Variants in SEMA3A observed in about 807,000 individuals in gnomAD.
SEMA3A encodes the protein semaphorin-3A.
Under a neutral mutation model 97.9 loss-of-function variants are expected in SEMA3A, and 29 were observed. The observed-to-expected ratio is 0.30, with a 90% confidence interval of 0.22 to 0.40. The LOEUF (loss-of-function observed/expected upper bound fraction) is 0.40. Among genes scored for constraint, SEMA3A ranks in the 10% least tolerant of loss-of-function variants. The probability of loss-of-function intolerance (pLI) is 1.00; values close to 1 mark genes in which losing one functional copy is unlikely to be tolerated. For missense variants in SEMA3A, 763 were observed against 951.3 expected, an observed-to-expected ratio of 0.80 and a Z score of 2.60; for synonymous variants, 321 against 323.7, an observed-to-expected ratio of 0.99 and a Z score of 0.09.
intron 1 of SEMA3A, among the ~76,000 whole-genome samples, chr7:84,431,588 G>A (rs1189163531): frequency 6.6e-6 from 1 of 151,578 alleles, no homozygotes; most frequent in Non-Finnish European, 1.5e-5. Context: ...AATAGAGTAT[G>A]TTCTAAAGAA....
chr7:84,214,137 T>G, intron 3 of SEMA3A, among the ~76,000 whole-genome samples: 1 of 152,216 alleles, frequency 6.6e-6, no homozygotes, highest in East Asian at 1.9e-4. Flanking sequence ...TATGAATAGA[T>G]ACTTTTTTGT....
intron 2 of SEMA3A, among the ~76,000 whole-genome samples, chr7:84,357,695 C>T (rs192562907): frequency 0.047 from 7,201 of 151,718 alleles, 297 homozygotes; most frequent in South Asian, 0.14. Flanking sequence ...GTTCTAGATC[C>T]CTGAGGAATC....
chr7:84,403,843 A>C (rs1443764199), intron 1 of SEMA3A, among the ~76,000 whole-genome samples: 1 of 152,212 alleles, frequency 6.6e-6, no homozygotes, highest in Non-Finnish European at 1.5e-5. Context: ...CCTGACTGTT[A>C]GAAGGAAAAC....
chr7:84,211,514 G>A (rs548219661), intron 3 of SEMA3A, among the ~76,000 whole-genome samples: 19 of 151,960 alleles, frequency 1.3e-4, no homozygotes, highest in South Asian at 1.2e-3. Context: ...CCAGCTACTC[G>A]GGAGGCTCAG....
Position 84,374,269 on chromosome 7 carries a change from T to C in SEMA3A, c.-245-2369A>G, listed in dbSNP as rs79624291. ...CCATTCAAAGAATTCTTTAAAATAA[T>C]AGCAATAAATATGTGTGCAAAGATA... On this transcript the variant is annotated intron_variant, in intron 1 of 3. Coordinates refer to the SEMA3A transcript ENST00000424555. Among the ~76,000 whole-genome samples, 1,226 of 152,302 alleles carry C rather than the reference T, an allele frequency of 8.0e-3. 10 individuals carry two copies. Among genetic ancestry groups the C allele is most frequent in the Non-Finnish European group, 0.013 (855 of 68,006 alleles).
chr7:84,238,358 T>C lies in SEMA3A; in HGVS notation c.-82-43690A>G, dbSNP rs1012792132. ...CTGGGATTACAGGTGTGAGCCATCG[T>C]GCCTGGTGGAATAACCAATTTTCAA... On this transcript the variant is annotated intron_variant, in intron 3 of 3. Transcript: ENST00000424555. Among the ~76,000 whole-genome samples, 4 of 152,192 alleles carry C rather than the reference T, an allele frequency of 2.6e-5. No homozygotes were observed. The South Asian group carries it at 6.2e-4, about 24-fold the overall frequency.
intron 6 of SEMA3A, among the ~76,000 whole-genome samples, chr7:84,040,196 T>C (rs1409524713): frequency 6.6e-6 from 1 of 151,300 alleles, no homozygotes; most frequent in Non-Finnish European, 1.5e-5. Context: ...TTCCTTTCAC[T>C]CAGAGTGATT....
At chr7:84,322,269 C>G (rs576851290) in intron 2 of SEMA3A, among the ~76,000 whole-genome samples, 2 of 152,132 alleles carry the variant, frequency 1.3e-5, no homozygotes, top group East Asian at 3.9e-4. Context: ...CTACTTACTC[C>G]ATAGTGTTGT....
intron 3 of SEMA3A, among the ~76,000 whole-genome samples, chr7:84,275,181 G>A (rs939099349): frequency 1.3e-5 from 2 of 151,964 alleles, no homozygotes; most frequent in African/African-American, 4.8e-5. Context: ...GTGAGAGTTA[G>A]TTTAATCAAT....
chr7:84,245,562 T>C (rs1799458685), intron 3 of SEMA3A, among the ~76,000 whole-genome samples: 1 of 151,618 alleles, frequency 6.6e-6, no homozygotes, highest in African/African-American at 2.4e-5. Flanking sequence ...GAGGAGTTCA[T>C]TATTACCCAC....
In SEMA3A at chr7:84,194,545, T is replaced by C; in HGVS notation, c.42A>G (p.Val14=). The change falls in exon 1 of 17, where the codon GTA becomes GTG. Residue 14 remains valine (V), a synonymous_variant. Coordinates refer to ENST00000265362, the MANE Select transcript of SEMA3A (RefSeq NM_006080.3). ...LTRIVCLFWG[V]LLTARANYQN... is the part of the protein sequence containing the mutation. ...GATAGTTTGCTCTTGCTGTAAGTAA[T>C]ACTCCCCAGAAAAGACAGACAATCC... 1 of 1,613,448 alleles carries C rather than the reference T, an allele frequency of 6.2e-7. No individual in the cohort carries two copies. The highest frequency in any genetic ancestry group is 8.5e-7 in the Non-Finnish European group (1 of 1,179,444).
At chr7:84,294,736 G>C (rs1191869154) in intron 3 of SEMA3A, among the ~76,000 whole-genome samples, 2 of 152,008 alleles carry the variant, frequency 1.3e-5, no homozygotes, top group East Asian at 3.9e-4. Context: ...AAAATGGTGA[G>C]AATACATCTT....
At chr7:84,247,164 T>C (rs1420352780) in intron 3 of SEMA3A, among the ~76,000 whole-genome samples, 1 of 152,138 alleles carries the variant, frequency 6.6e-6, no homozygotes, top group Non-Finnish European at 1.5e-5. Flanking sequence ...GAAAGACTTA[T>C]CCGATTTTTG....
At position 84,232,008 on chromosome 7, in the gene SEMA3A, G is replaced by A. The variant is rs562934850; in HGVS notation, c.-82-37340C>T. On this transcript the variant is annotated intron_variant, in intron 3 of 3. Coordinates refer to the SEMA3A transcript ENST00000424555. ...CAAAGGTATGTGTATGTGTGTGTGT[G>A]TGTATATGTAAATATATGTTTGTAT... Among the ~76,000 whole-genome samples, 86 of 151,380 alleles carry A rather than the reference G, an allele frequency of 5.7e-4. 1 individual carries two copies. The highest frequency in any genetic ancestry group is 4.1e-4 in the Non-Finnish European group (28 of 67,824).
chr7:84,418,006 A>T (rs538729683), intron 1 of SEMA3A, among the ~76,000 whole-genome samples: 1 of 152,194 alleles, frequency 6.6e-6, no homozygotes, highest in East Asian at 1.9e-4. Context: ...CATATAATTG[A>T]TGTGATTGTT....
intron 1 of SEMA3A, among the ~76,000 whole-genome samples, chr7:84,403,019 C>T (rs1457597232): frequency 6.6e-6 from 1 of 152,090 alleles, no homozygotes; most frequent in Admixed American, 6.6e-5. Flanking sequence ...GTAATGGGTT[C>T]ATCTCACTGG....
At chr7:84,006,138 T>G (rs1790656632) in intron 10 of SEMA3A, among the ~76,000 whole-genome samples, 1 of 152,046 alleles carries the variant, frequency 6.6e-6, no homozygotes, top group Admixed American at 6.6e-5. Flanking sequence ...ATTAGTAAAA[T>G]AAGTGAAGTA....
intron 5 of SEMA3A, among the ~76,000 whole-genome samples, chr7:84,049,522 G>C (rs181435099): frequency 3.3e-5 from 5 of 151,988 alleles, no homozygotes; most frequent in Admixed American, 3.3e-4. Flanking sequence ...TAATAAACTT[G>C]AACATTTACA....
intron 1 of SEMA3A, among the ~76,000 whole-genome samples, chr7:84,152,632 T>C (rs952408177): frequency 6.7e-6 from 1 of 148,668 alleles, no homozygotes; most frequent in Non-Finnish European, 1.5e-5. Flanking sequence ...GCATGGCACA[T>C]GTATACGTAT....
Sources: gnomAD v4.1 joint callset for allele counts (sites outside exome capture counted in the v4.1 genomes callset) on GRCh38, gnomAD v4.1.1 for gene constraint, MANE v1.5 for transcripts, NCBI Gene and HGNC (gene_info 2026-07-23, HGNC 2026-07-21) for gene names.